OSBPL8: variants seen among roughly 807,000 people sequenced by gnomAD.
OSBPL8 encodes oxysterol binding protein like 8.
OSBPL8 carries 59 observed loss-of-function variants against 125.5 expected under a neutral mutation model. The ratio of observed to expected loss-of-function variants is 0.47; its 90% CI spans 0.38 to 0.58. The LOEUF (loss-of-function observed/expected upper bound fraction) is 0.58. Among genes scored for constraint, OSBPL8 ranks in the 20% least tolerant of loss-of-function variants. OSBPL8 has a pLI of 0.00. For synonymous variants in OSBPL8, 330 were observed against 338.9 expected, an observed-to-expected ratio of 0.97 and a Z score of 0.29; for missense variants, 758 against 1,047.8, an observed-to-expected ratio of 0.72 and a Z score of 3.82.
At chr12:76,486,770 T>C (rs1878179703) in intron 2 of OSBPL8, among the ~76,000 whole-genome samples, 1 of 152,200 alleles carries the variant, frequency 6.6e-6, no homozygotes, top group Non-Finnish European at 1.5e-5. Context: ...TGCTCTTATT[T>C]TAACTGTTTC....
intron 1 of OSBPL8, among the ~76,000 whole-genome samples, chr12:76,496,748 G>A (rs1879318832): frequency 6.6e-6 from 1 of 152,018 alleles, no homozygotes; most frequent in South Asian, 2.1e-4. Flanking sequence ...CACCATGTTG[G>A]CCAGGCTGGC....
At chr12:76,465,569 A>G (rs1875316377) in intron 2 of OSBPL8, among the ~76,000 whole-genome samples, 1 of 152,102 alleles carries the variant, frequency 6.6e-6, no homozygotes, top group Non-Finnish European at 1.5e-5. Flanking sequence ...CAAAAAAATA[A>G]AATAAAATAA....
rs751498861 is a variant in OSBPL8, at chr12:76,371,779, G to A, written c.1918-195C>T. On this transcript the variant is annotated intron_variant, in intron 18 of 23. Coordinates refer to ENST00000261183, the MANE Select transcript of OSBPL8 (RefSeq NM_020841.5). Reference sequence around the variant, plus strand: ...TTATAAAAACATTAAGATTGACTACGTAATACTAGTTAATTAAAAAGAATT... The same window carrying A: ...TTATAAAAACATTAAGATTGACTACATAATACTAGTTAATTAAAAAGAATT... The A allele has an allele frequency of 2.7e-4, 111 of 413,048 alleles. No homozygotes were observed. The Middle Eastern group carries it at 3.4e-3, about 13-fold the overall frequency. The allele number at this position is 413,048 out of a possible 1,614,324, so 25.6% of individuals were successfully genotyped here.
intron 16 of OSBPL8, among the ~76,000 whole-genome samples, chr12:76,377,863 A>C (rs1206774526): frequency 1.3e-5 from 2 of 152,162 alleles, no homozygotes; most frequent in Admixed American, 1.3e-4. Context: ...TCTTCTAAAA[A>C]AGGGAATAAT....
chr12:76,526,255 T>C (rs538321153), intron 1 of OSBPL8, among the ~76,000 whole-genome samples: 1 of 152,360 alleles, frequency 6.6e-6, no homozygotes, highest in South Asian at 2.1e-4. Context: ...AAAGTTTCCA[T>C]TAATAGAAAA....
chr12:76,371,460 A>G lies in OSBPL8; in HGVS notation c.2042T>C (p.Phe681Ser), dbSNP rs745762029. 1.9e-6 allele frequency: 3 copies of G among 1,604,566 alleles called. No homozygotes were observed. In the Admixed American group the frequency reaches 5.1e-5, roughly 27 times the overall value. Residue 681 changes from phenylalanine to serine, a missense_variant, in exon 19 of 24, where the codon TTT (phenylalanine) becomes TCT (serine). Phe to Ser is a radical substitution (Grantham distance 155, BLOSUM62 -2). Transcript: ENST00000261183. ...HTVKFEEQGD[F>S]ESEKLWQRVT... The stretch of plus-strand genomic sequence containing the variant: ...ACAGTATACTTACTTCTCTGATTCA[A>G]AATCTCCCTGTTCTTCAAATTTTAC...
chr12:76,440,069 G>C (rs1475220202), intron 4 of OSBPL8, among the ~76,000 whole-genome samples: 1 of 151,902 alleles, frequency 6.6e-6, no homozygotes, highest in African/African-American at 2.4e-5. Context: ...CAGCATTAAG[G>C]CTATTATTTT....
In OSBPL8 at chr12:76,373,329, A is replaced by G; in HGVS notation, c.1917+15T>C. On this transcript the variant is annotated intron_variant, in intron 18 of 23. Transcript: ENST00000261183. ...ATAAAATTCTTTTTGTAAAGCTCAT[A>G]TACAAAATACTTACCCAATGACCTT... 6.6e-7 allele frequency: 1 copy of G among 1,509,652 alleles called. No individual in the cohort carries two copies. Among genetic ancestry groups the G allele is most frequent in the Non-Finnish European group, 9.0e-7 (1 of 1,105,172 alleles). The allele number at this position is 1,509,652 out of a possible 1,614,324, so 93.5% of individuals were successfully genotyped here. A position where few individuals can be genotyped will look rare whatever the true frequency, so the allele number is the denominator to read the frequency against.
intron 1 of OSBPL8, among the ~76,000 whole-genome samples, chr12:76,493,605 G>A (rs1394961959): frequency 1.3e-5 from 2 of 152,208 alleles, no homozygotes; most frequent in African/African-American, 4.8e-5. Context: ...TAGGCTAAAG[G>A]AGCTCCCTTG....
chr12:76,356,348 C>T (rs1288210240), intron 23 of OSBPL8, among the ~76,000 whole-genome samples: 1 of 152,172 alleles, frequency 6.6e-6, no homozygotes, highest in Non-Finnish European at 1.5e-5. Context: ...CCCACCTCCA[C>T]ATGCAACCCA....
At chr12:76,524,279 G>GA (rs927074877) in intron 1 of OSBPL8, among the ~76,000 whole-genome samples, 3 of 152,060 alleles carry the variant, frequency 2.0e-5, no homozygotes, top group Admixed American at 6.6e-5. Context: ...AAATTTCATA[G>GA]AAAAAACTAT....
chr12:76,390,607 T>C lies in OSBPL8; in HGVS notation c.980A>G (p.Tyr327Cys). Reference protein sequence around the residue: ...ERQHFKDQDMYSDKSDKENDQ... With the variant: ...ERQHFKDQDMCSDKSDKENDQ... ...ATTTTCTTTATCAGATTTATCAGAA[T>C]ACATATCTTGGTCCTTAAAATGTTG... The change falls in exon 11 of 24, where the codon TAT (tyrosine) becomes TGT (cysteine). Residue 327 changes from tyrosine (Y) to cysteine (C), a missense_variant. This residue lies in a region of OSBPL8 where 572 missense variants were observed against 762.0 expected (regional missense o/e 0.75). Transcript: ENST00000261183. The C allele has an allele frequency of 6.2e-7, 1 of 1,613,716 alleles. No homozygotes were observed. The highest frequency in any genetic ancestry group is 8.5e-7 in the Non-Finnish European group (1 of 1,179,796).
intron 1 of OSBPL8, among the ~76,000 whole-genome samples, chr12:76,545,979 C>T (rs901860082): frequency 3.3e-5 from 5 of 152,106 alleles, no homozygotes; most frequent in East Asian, 1.9e-4. Context: ...CACTTATACA[C>T]GGATTTTTTT....
chr12:76,522,799 T>C (rs1592846144), intron 1 of OSBPL8, among the ~76,000 whole-genome samples: 4 of 152,172 alleles, frequency 2.6e-5, no homozygotes, highest in South Asian at 2.1e-4. Context: ...ATATGATAAA[T>C]AGACAAGGTC....
intron 2 of OSBPL8, among the ~76,000 whole-genome samples, chr12:76,478,047 T>C (rs1416581086): frequency 1.3e-5 from 2 of 151,790 alleles, no homozygotes; most frequent in Non-Finnish European, 1.5e-5. Flanking sequence ...CTACTAAAAA[T>C]ACAAAACTTA....
intron 1 of OSBPL8, among the ~76,000 whole-genome samples, chr12:76,495,025 A>G (rs1016640673): frequency 2.6e-5 from 4 of 152,198 alleles, no homozygotes; most frequent in African/African-American, 9.7e-5. Flanking sequence ...TAAATTAAAA[A>G]TAAAAAGCTC....
At chr12:76,520,891 A>AG (rs972642156) in intron 1 of OSBPL8, among the ~76,000 whole-genome samples, 18 of 152,232 alleles carry the variant, frequency 1.2e-4, no homozygotes, top group African/African-American at 4.1e-4. Context: ...CCACTAATCA[A>AG]GGGTCCACCC....
At chr12:76,483,469 C>T (rs928604094) in intron 2 of OSBPL8, among the ~76,000 whole-genome samples, 3 of 146,926 alleles carry the variant, frequency 2.0e-5, no homozygotes, top group African/African-American at 7.6e-5. Context: ...GAGGCTGAGG[C>T]AGGCAAACTG....
chr12:76,355,768 A>T lies in OSBPL8; in HGVS notation c.*121T>A. The T allele has an allele frequency of 9.2e-7, 1 of 1,081,692 alleles. No homozygotes were observed. Among genetic ancestry groups the T allele is most frequent in the Non-Finnish European group, 1.3e-6 (1 of 768,006 alleles). 67.0% of individuals were successfully genotyped at this position (1,081,692 alleles called of 1,614,324 possible). On this transcript the variant is annotated 3_prime_UTR_variant, in exon 24 of 24. Transcript: ENST00000261183. ...ACGAAAAGTCAATACCTCTACATTT[A>T]TCTCCTAGGTTTTTTTGTTTTCGGA...
Sources: gnomAD v4.1 joint callset for allele counts (sites outside exome capture counted in the v4.1 genomes callset) on GRCh38, gnomAD v4.1.1 for gene constraint, gnomAD v4.1.1 regional missense constraint, MANE v1.5 for transcripts, NCBI Gene and HGNC (gene_info 2026-07-23, HGNC 2026-07-21) for gene names.